ZFHX3: variants seen among roughly 807,000 people sequenced by gnomAD.
ZFHX3 encodes zinc finger homeobox 3.
A neutral mutation model predicts 279.1 loss-of-function variants in ZFHX3; 42 were observed. The ratio of observed to expected loss-of-function variants is 0.15; its 90% confidence interval spans 0.12 to 0.19. The LOEUF (loss-of-function observed/expected upper bound fraction) is 0.19, where lower values mean the gene tolerates loss of function less well. ZFHX3 is among the 10% of genes least tolerant of loss of function. The pLI is 1.00. For synonymous variants in ZFHX3, 2,293 were observed against 1,957.8 expected (o/e 1.17, Z -4.52); for missense variants, 4,981 against 4,754.0 (o/e 1.05, Z -1.40).
intron 5 of ZFHX3, among the ~76,000 whole-genome samples, chr16:73,250,700 A>T (rs951811646): frequency 3.6e-4 from 54 of 151,598 alleles, no homozygotes; most frequent in African/African-American, 1.2e-3. Context: ...CGTCTGGCTA[A>T]TTTTTTTGTA....
intron 7 of ZFHX3, among the ~76,000 whole-genome samples, chr16:73,105,184 C>T (rs537706399): frequency 3.1e-4 from 46 of 146,082 alleles, no homozygotes; most frequent in East Asian, 1.2e-3. Context: ...AGTGGGAGGA[C>T]GGCTTGAGGC....
intron 4 of ZFHX3, among the ~76,000 whole-genome samples, chr16:73,273,132 G>A (rs1205141729): frequency 2.0e-5 from 3 of 152,130 alleles, no homozygotes; most frequent in Admixed American, 6.5e-5. Context: ...AGCCCCTAAC[G>A]AGGCTAAACT....
At chr16:73,352,163 A>G (rs1262598652) in intron 3 of ZFHX3, among the ~76,000 whole-genome samples, 1 of 151,864 alleles carries the variant, frequency 6.6e-6, no homozygotes, top group Admixed American at 6.6e-5. Context: ...ACAGCCTTTT[A>G]GCTCATGCCT....
chr16:73,305,010 T>C (rs2015147019), intron 4 of ZFHX3, among the ~76,000 whole-genome samples: 1 of 152,158 alleles, frequency 6.6e-6, no homozygotes, highest in Non-Finnish European at 1.5e-5. Flanking sequence ...CTGCACTTAC[T>C]GTCAGATCTC....
intron 1 of ZFHX3, among the ~76,000 whole-genome samples, chr16:73,717,646 G>A (rs993080690): frequency 2.6e-5 from 4 of 152,156 alleles, no homozygotes; most frequent in Non-Finnish European, 5.9e-5. Flanking sequence ...GAGGGTTGGA[G>A]CTTACTCTCC....
intron 5 of ZFHX3, among the ~76,000 whole-genome samples, chr16:73,171,379 C>A (rs1221745798): frequency 6.6e-6 from 1 of 151,938 alleles, no homozygotes; most frequent in Non-Finnish European, 1.5e-5. Flanking sequence ...GGGCTGAAAG[C>A]CTCAGGCAGA....
At chr16:72,891,591 A>G (rs1284940993) in intron 3 of ZFHX3, among the ~76,000 whole-genome samples, 2 of 152,194 alleles carry the variant, frequency 1.3e-5, no homozygotes, top group Non-Finnish European at 2.9e-5. Flanking sequence ...GAAGCAAGGG[A>G]AACACTCCCC....
chr16:72,821,712 T>C (rs1020000935), intron 5 of ZFHX3, among the ~76,000 whole-genome samples: 13 of 152,312 alleles, frequency 8.5e-5, no homozygotes, highest in African/African-American at 3.1e-4. Flanking sequence ...TACACTGAGC[T>C]TTCTGTTTCC....
At chr16:73,780,768 C>A (rs1959443492) in intron 1 of ZFHX3, among the ~76,000 whole-genome samples, 2 of 152,156 alleles carry the variant, frequency 1.3e-5, no homozygotes, top group South Asian at 4.1e-4. Flanking sequence ...CTGATGCAGA[C>A]TCATCATTCT....
At chr16:72,839,507 C>A (rs1261495610) in intron 4 of ZFHX3, among the ~76,000 whole-genome samples, 1 of 152,080 alleles carries the variant, frequency 6.6e-6, no homozygotes, top group Non-Finnish European at 1.5e-5. Context: ...GGGTGTCCCC[C>A]ATCTCGTTAA....
chr16:73,066,006 C>T (rs1290334530), intron 8 of ZFHX3, among the ~76,000 whole-genome samples: 4 of 152,212 alleles, frequency 2.6e-5, no homozygotes, highest in African/African-American at 7.2e-5. Context: ...GGCCCCACGG[C>T]CGGCAGGAGT....
At chr16:73,136,124 G>C (rs747966192) in intron 6 of ZFHX3, among the ~76,000 whole-genome samples, 4 of 152,120 alleles carry the variant, frequency 2.6e-5, no homozygotes, top group Non-Finnish European at 5.9e-5. Context: ...CTAAAGTGCT[G>C]GGATTACAGG....
chr16:73,454,082 T>G (rs1207166571), intron 3 of ZFHX3, among the ~76,000 whole-genome samples: 1 of 152,098 alleles, frequency 6.6e-6, no homozygotes, highest in African/African-American at 2.4e-5. Flanking sequence ...GGAGCCGAGG[T>G]AGGGCATTCC....
intron 1 of ZFHX3, among the ~76,000 whole-genome samples, chr16:73,001,485 G>A (rs1309903866): frequency 6.6e-6 from 1 of 152,142 alleles, no homozygotes; most frequent in Non-Finnish European, 1.5e-5. Context: ...TGCAGCAATA[G>A]ATAACAATAC....
intron 5 of ZFHX3, among the ~76,000 whole-genome samples, chr16:73,201,396 G>A (rs1968265961): frequency 6.6e-6 from 1 of 152,200 alleles, no homozygotes. Context: ...CCAACCCCAT[G>A]CATTTTAGTC....
At chr16:72,924,756 G>T (rs1959350815) in intron 3 of ZFHX3, among the ~76,000 whole-genome samples, 1 of 152,230 alleles carries the variant, frequency 6.6e-6, no homozygotes, top group Non-Finnish European at 1.5e-5. Flanking sequence ...TTAGAGCAAG[G>T]AGAATTAGTT....
chr16:72,951,120 C>CA (rs908426603), intron 2 of ZFHX3, among the ~76,000 whole-genome samples, 155 bp from the exon 3 acceptor site: 2 of 152,054 alleles, frequency 1.3e-5, no homozygotes, highest in African/African-American at 4.8e-5. Context: ...GGAAAACAAG[C>CA]AAACAAACAA....
chr16:73,115,821 T>C (rs1966425558), intron 7 of ZFHX3, among the ~76,000 whole-genome samples: 1 of 151,870 alleles, frequency 6.6e-6, no homozygotes, highest in South Asian at 2.1e-4. Flanking sequence ...GTTGCCTGGT[T>C]CTAAAAGGTT....
rs76993657 is a variant in ZFHX3, at chr16:73,473,876, A to G, written c.-1546-17618T>C. ...AACAAATGTTTCTGAAGATCGCAAG[A>G]TATTTTAAACAGAGCACTCCGTTGG... On this transcript the variant is annotated intron_variant, in intron 2 of 17. Transcript: ENST00000641206. Among the ~76,000 whole-genome samples, 560 of 152,280 alleles carry G rather than the reference A, an allele frequency of 3.7e-3. 2 individuals are homozygous for G. Among genetic ancestry groups the G allele is most frequent in the South Asian group, 8.5e-3 (41 of 4,824 alleles).
Sources: allele counts gnomAD v4.1 joint callset (sites outside exome capture counted in the v4.1 genomes callset), GRCh38; gene constraint gnomAD v4.1.1; transcripts MANE v1.5; gene names NCBI Gene and HGNC (gene_info 2026-07-23, HGNC 2026-07-21).